Variants in ACSBG1 observed in about 807,000 individuals in gnomAD.
The protein encoded by ACSBG1 is long-chain-fatty-acid--CoA ligase ACSBG1.
A neutral mutation model predicts 80.2 loss-of-function variants in ACSBG1; 39 were observed. The ratio of observed to expected loss-of-function variants is 0.49; its 90% CI spans 0.38 to 0.64. The LOEUF (loss-of-function observed/expected upper bound fraction) is 0.64. ACSBG1 is among the 30% of genes least tolerant of loss of function. The pLI, the probability that ACSBG1 is intolerant of heterozygous loss-of-function variation, is 0.00. For synonymous variants in ACSBG1, 392 were observed against 379.5 expected (o/e 1.03, Z -0.38); for missense variants, 828 against 966.4 (o/e 0.86, Z 1.90).
At chr15:78,189,889 T>G (rs1393306434) in intron 5 of ACSBG1, among the ~76,000 whole-genome samples, 1 of 152,052 alleles carries the variant, frequency 6.6e-6, no homozygotes, top group South Asian at 2.1e-4. Flanking sequence ...TTTTGGTCTG[T>G]ACATTTCATA....
At chr15:78,205,631 C>T (rs1176658194) in intron 2 of ACSBG1, among the ~76,000 whole-genome samples, 4 of 152,296 alleles carry the variant, frequency 2.6e-5, no homozygotes, top group East Asian at 1.9e-4. Context: ...TTTGTTTTCC[C>T]TGCTACTGAT....
chr15:78,226,793 T>TATATATATAATATATATATATATA (rs1555434846), intron 1 of ACSBG1, among the ~76,000 whole-genome samples: 17 of 129,002 alleles, frequency 1.3e-4, no homozygotes, highest in Middle Eastern at 3.6e-3. Context: ...AAAATATATA[T>TATATATATAATATATATATATATA]ATATATATAA....
At chr15:78,200,989 G>A (rs551180263) in intron 2 of ACSBG1, among the ~76,000 whole-genome samples, 10 of 152,060 alleles carry the variant, frequency 6.6e-5, no homozygotes, top group Admixed American at 1.3e-4. Context: ...TTGGTTCCCC[G>A]TCTCTGTGCC....
At chr15:78,224,715 C>T (rs532113514) in intron 1 of ACSBG1, among the ~76,000 whole-genome samples, 11 of 148,466 alleles carry the variant, frequency 7.4e-5, no homozygotes, top group East Asian at 2.0e-4. Flanking sequence ...AGCGAGACTC[C>T]GCCTCAAAAA....
chr15:78,193,877 A>G, intron 4 of ACSBG1, 55 bp downstream of exon 4: 1 of 1,590,394 alleles, frequency 6.3e-7, no homozygotes, highest in South Asian at 1.1e-5. Context: ...ACCCTCCCCT[A>G]CCCTCTGCCC....
chr15:78,178,659 G>A lies in ACSBG1; in HGVS notation c.1657C>T (p.Arg553Cys), dbSNP rs370057969. 31 of 1,613,782 alleles carry A rather than the reference G, an allele frequency of 1.9e-5. 1 individual carries two copies. Among genetic ancestry groups the A allele is most frequent in the South Asian group, 3.3e-5 (3 of 91,062 alleles). The change falls in exon 11 of 14, where the codon CGC becomes TGC. Residue 553 changes from arginine (R) to cysteine (C), a missense_variant. By Grantham distance (180) the Arg-to-Cys change is radical. This residue lies in a region of ACSBG1 where 201 missense variants were observed against 227.0 expected (regional missense o/e 0.89). Coordinates refer to ENST00000258873, the MANE Select transcript of ACSBG1 (RefSeq NM_015162.5). This position sits in a 1 kb window ranked among gnomAD's most constrained non-coding sequence, Gnocchi z 4.3. Reference sequence around the variant, plus strand: ...TAGAGGAAGCCATCGGCGTCCAGGCGGCCAGCATCACCCGTGTGCAGCCAG... The same window carrying A: ...TAGAGGAAGCCATCGGCGTCCAGGCAGCCAGCATCACCCGTGTGCAGCCAG... The part of the protein sequence containing the change: ...EGWLHTGDAG[R>C]LDADGFLYIT...
intron 5 of ACSBG1, 65 bp downstream of exon 5, chr15:78,193,441 G>C (rs1036623860): frequency 9.7e-6 from 15 of 1,552,350 alleles, no homozygotes; most frequent in Non-Finnish European, 8.7e-6. Flanking sequence ...TTCCGTGTGA[G>C]TTGGAGTGGA....
intron 2 of ACSBG1, among the ~76,000 whole-genome samples, chr15:78,196,365 GTCAGGTACACCTGGGT>G (rs2075115101): frequency 6.6e-6 from 1 of 152,230 alleles, no homozygotes; most frequent in Admixed American, 6.5e-5. Flanking sequence ...AGACCAGAAA[GTCAGGTACACCTGGGT>G]TCAAAAACCT....
intron 1 of ACSBG1, among the ~76,000 whole-genome samples, chr15:78,210,070 C>T (rs2075253824): frequency 2.0e-5 from 3 of 152,330 alleles, no homozygotes; most frequent in Admixed American, 6.5e-5. Context: ...TTTATAGGGA[C>T]GATGAGGCTG....
chr15:78,182,721 A>G lies in ACSBG1; in HGVS notation c.728T>C (p.Met243Thr), dbSNP rs755133228. The G allele has an allele frequency of 1.2e-6, 2 of 1,614,242 alleles. No individual in the cohort carries two copies. Among genetic ancestry groups the G allele is most frequent in the Non-Finnish European group, 8.5e-7 (1 of 1,180,038 alleles). Reference sequence around the variant, plus strand: ...TGCCCATACCGTGTACACATTGGCCATCTTGTTTGGAGGAGGTTCTTTATA... The same window carrying G: ...TGCCCATACCGTGTACACATTGGCCGTCTTGTTTGGAGGAGGTTCTTTATA... The part of the protein sequence containing the change: ...VIYKEPPPNK[M>T]ANVYTMEEFM... Residue 243 changes from methionine to threonine, a missense_variant, in exon 6 of 14, where the codon ATG becomes ACG. Physicochemically the swap from Met to Thr is moderately conservative, Grantham distance 81. Transcript: ENST00000258873.
rs780467375 is a variant in ACSBG1, at chr15:78,234,388, T to C, written c.114A>G (p.Gln38=). Residue 38 remains glutamine, a synonymous_variant, in exon 1 of 14, where the codon CAA becomes CAG. Coordinates refer to ENST00000258873, the MANE Select transcript of ACSBG1 (RefSeq NM_015162.5). ...TGACTTACCTGGTTTTCAATTTTTCTTGGGTGGTCCTCACAATCATGTCCT... is the reference window on the plus strand; with the variant it reads ...TGACTTACCTGGTTTTCAATTTTTCCTGGGTGGTCCTCACAATCATGTCCT... ...SRQDMIVRTT[Q]EKLKTSSLTD... The C allele has an allele frequency of 1.9e-5, 30 of 1,611,908 alleles. No homozygotes were observed. Among genetic ancestry groups the C allele is most frequent in the Middle Eastern group, 1.6e-4 (1 of 6,084 alleles).
intron 2 of ACSBG1, 36 bp downstream of exon 2, chr15:78,207,966 C>A: frequency 2.0e-6 from 2 of 1,019,400 alleles, no homozygotes; most frequent in South Asian, 1.3e-5. Context: ...CACAGTTTCC[C>A]GCCCTGCCCC....
intron 1 of ACSBG1, among the ~76,000 whole-genome samples, chr15:78,229,733 C>G (rs892259603): frequency 6.6e-6 from 1 of 152,146 alleles, no homozygotes; most frequent in Non-Finnish European, 1.5e-5. Flanking sequence ...TCCACCTCAC[C>G]CCTAGTCCAG....
intron 11 of ACSBG1, among the ~76,000 whole-genome samples, chr15:78,175,301 A>G (rs572181427): frequency 6.6e-6 from 1 of 152,382 alleles, no homozygotes; most frequent in African/African-American, 2.4e-5. Context: ...TTTTAGTGAG[A>G]CTGTACTCCT....
intron 1 of ACSBG1, among the ~76,000 whole-genome samples, chr15:78,217,953 C>T (rs1018003571): frequency 4.6e-5 from 7 of 152,138 alleles, no homozygotes; most frequent in African/African-American, 1.4e-4. Context: ...ACACAGAGAA[C>T]GGCCAGCTGG....
At chr15:78,182,871 T>TTAGTAG (rs768317138) in intron 5 of ACSBG1, 86 bp from the exon 6 acceptor site, 24 of 1,445,426 alleles carry the variant, frequency 1.7e-5, no homozygotes, top group Non-Finnish European at 2.2e-5. Flanking sequence ...GTGAGTCGGC[T>TTAGTAG]TAGTAAAGGT....
rs1365324862 is a variant in ACSBG1, at chr15:78,168,167, C to T, written c.*3277G>A. 10 of 151,876 alleles carry T rather than the reference C, an allele frequency of 6.6e-5. No individual in the cohort carries two copies. The East Asian group carries it at 1.7e-3, about 26-fold the overall frequency. 9.4% of individuals were successfully genotyped at this position (151,876 alleles called of 1,614,324 possible). A position where few individuals can be genotyped will look rare whatever the true frequency, so the allele number is the denominator to read the frequency against. ...TTTAGGCAGGTGTGGTGGTGCATGC[C>T]TGTAGTTGCAGCTATAGGCTGAGGC... On this transcript the variant is annotated 3_prime_UTR_variant, in exon 14 of 14. Coordinates refer to ENST00000258873, the MANE Select transcript of ACSBG1 (RefSeq NM_015162.5).
chr15:78,187,682 A>G (rs1310010050), intron 5 of ACSBG1, among the ~76,000 whole-genome samples: 1 of 152,212 alleles, frequency 6.6e-6, no homozygotes, highest in Non-Finnish European at 1.5e-5. Flanking sequence ...TCTCAAAATA[A>G]TAAGAGCTAT....
intron 2 of ACSBG1, among the ~76,000 whole-genome samples, chr15:78,204,675 G>A (rs1237214815): frequency 6.6e-6 from 1 of 152,244 alleles, no homozygotes; most frequent in East Asian, 1.9e-4. Context: ...CCCTTGGAAA[G>A]CCTTTCCTGC....
Sources: allele counts gnomAD v4.1 joint callset (sites outside exome capture counted in the v4.1 genomes callset), GRCh38; gene constraint gnomAD v4.1.1; regional missense constraint gnomAD v4.1.1; non-coding constraint Gnocchi (gnomAD v3.1); transcripts MANE v1.5; gene names NCBI Gene and HGNC (gene_info 2026-07-23, HGNC 2026-07-21).